FMN2: variants seen among roughly 807,000 people sequenced by gnomAD.
The protein encoded by FMN2 is formin 2.
FMN2 carries 51 observed loss-of-function variants against 142.3 expected under a neutral mutation model. The ratio of observed to expected loss-of-function variants is 0.36; its 90% CI spans 0.29 to 0.45. The LOEUF is 0.45. FMN2 is among the 20% of genes least tolerant of loss of function. FMN2 has a pLI of 1.00. For synonymous variants in FMN2, 882 were observed against 869.8 expected, an observed-to-expected ratio of 1.01 and a Z score of -0.25; for missense variants, 1,936 against 2,122.8, an observed-to-expected ratio of 0.91 and a Z score of 1.73.
At chr1:240,171,927 T>C (rs1664719233) in intron 2 of FMN2, among the ~76,000 whole-genome samples, 1 of 152,170 alleles carries the variant, frequency 6.6e-6, no homozygotes, top group Non-Finnish European at 1.5e-5. Context: ...ACAATGTCAT[T>C]CCGCAAAAGC....
intron 16 of FMN2, among the ~76,000 whole-genome samples, chr1:240,452,467 A>G (rs539847777): frequency 6.6e-6 from 1 of 152,184 alleles, no homozygotes; most frequent in South Asian, 2.1e-4. Context: ...GATAATATAT[A>G]TTTTTGCAAA....
At chr1:240,378,076 T>C (rs942830262) in intron 14 of FMN2, among the ~76,000 whole-genome samples, 3 of 152,062 alleles carry the variant, frequency 2.0e-5, no homozygotes, top group African/African-American at 7.2e-5. Context: ...GTTTATAGGA[T>C]TTTTATTATG....
intron 15 of FMN2, among the ~76,000 whole-genome samples, chr1:240,405,667 C>A (rs946036423): frequency 2.0e-5 from 3 of 151,894 alleles, no homozygotes; most frequent in Admixed American, 2.0e-4. Context: ...TGTTCCAGAT[C>A]CATTAGGATT....
intron 15 of FMN2, among the ~76,000 whole-genome samples, chr1:240,433,218 G>A (rs1675235725): frequency 6.6e-6 from 1 of 152,038 alleles, no homozygotes; most frequent in Non-Finnish European, 1.5e-5. Flanking sequence ...TAACACCCTG[G>A]TTATGTTCTT....
chr1:240,443,901 A>C (rs1008655570), intron 16 of FMN2, among the ~76,000 whole-genome samples: 3 of 152,172 alleles, frequency 2.0e-5, no homozygotes, highest in African/African-American at 7.2e-5. Flanking sequence ...TCTTATTTTC[A>C]GGAAGGCATT....
At chr1:240,399,848 C>T (rs544429948) in intron 15 of FMN2, among the ~76,000 whole-genome samples, 3 of 152,176 alleles carry the variant, frequency 2.0e-5, no homozygotes, top group South Asian at 4.1e-4. Context: ...CCCACCTCAG[C>T]TCCTTCTTAC....
chr1:240,176,158 T>A (rs1037355266), intron 2 of FMN2, among the ~76,000 whole-genome samples: 2 of 152,240 alleles, frequency 1.3e-5, no homozygotes, highest in African/African-American at 2.4e-5. Context: ...TTTTCCTGTA[T>A]GTTTTCGTCT....
At chr1:240,130,462 C>A (rs1226667490) in intron 2 of FMN2, among the ~76,000 whole-genome samples, 2 of 152,102 alleles carry the variant, frequency 1.3e-5, no homozygotes, top group Non-Finnish European at 2.9e-5. Flanking sequence ...GCTACCACGC[C>A]CGGCTAATTT....
chr1:240,350,366 T>C (rs936900363), intron 13 of FMN2, among the ~76,000 whole-genome samples: 13 of 152,220 alleles, frequency 8.5e-5, no homozygotes, highest in Admixed American at 8.5e-4. Context: ...AGCCTTGGCC[T>C]TGATTATGGG....
At chr1:240,430,279 A>C (rs1675117729) in intron 15 of FMN2, among the ~76,000 whole-genome samples, 1 of 152,172 alleles carries the variant, frequency 6.6e-6, no homozygotes, top group Non-Finnish European at 1.5e-5. Context: ...TTATACATAT[A>C]TAAATTTATA....
At chr1:240,392,456 A>G (rs369300937) in intron 14 of FMN2, 55 bp from the exon 15 acceptor site, 3 of 1,438,854 alleles carry the variant, frequency 2.1e-6, no homozygotes, top group South Asian at 1.2e-5. Context: ...GTTGCTTGAA[A>G]TAGTGTAACA....
intron 15 of FMN2, among the ~76,000 whole-genome samples, chr1:240,426,810 A>G (rs1191647709): frequency 1.3e-5 from 2 of 152,120 alleles, no homozygotes; most frequent in Non-Finnish European, 2.9e-5. Flanking sequence ...ATCTTGGCTC[A>G]CTGCATCCTC....
chr1:240,428,213 T>C (rs1675023183), intron 15 of FMN2, among the ~76,000 whole-genome samples: 1 of 151,662 alleles, frequency 6.6e-6, no homozygotes, highest in South Asian at 2.1e-4. Context: ...TTATTGTTAC[T>C]GATCTCCAAA....
At chr1:240,235,719 A>G (rs1667688117) in intron 6 of FMN2, 1 of 152,002 alleles carries the variant, frequency 6.6e-6, no homozygotes, top group South Asian at 2.1e-4. Flanking sequence ...CTGTGTCCAG[A>G]CCCCAGATTA....
At chr1:240,189,173 T>TAA (rs1195331090) in intron 4 of FMN2, among the ~76,000 whole-genome samples, 3 of 83,114 alleles carry the variant, frequency 3.6e-5, no homozygotes, top group African/African-American at 2.2e-4. Context: ...GGATTTCTTA[T>TAA]TAAAAAAAAA....
chr1:240,306,237 C>T (rs536767709), intron 8 of FMN2, among the ~76,000 whole-genome samples: 45 of 152,254 alleles, frequency 3.0e-4, no homozygotes, highest in African/African-American at 7.9e-4. Flanking sequence ...CGTGAGCCAC[C>T]GCACCCGGCT....
intron 9 of FMN2, 31 bp downstream of exon 9, chr1:240,329,198 G>C (rs752903796): frequency 1.7e-5 from 28 of 1,611,738 alleles, no homozygotes; most frequent in Non-Finnish European, 2.4e-5. Flanking sequence ...CGTAGAGGGC[G>C]TCCAGGCTAT....
chr1:240,128,492 A>G (rs1662601670), intron 2 of FMN2, among the ~76,000 whole-genome samples: 1 of 152,150 alleles, frequency 6.6e-6, no homozygotes, highest in African/African-American at 2.4e-5. Context: ...TTATCTTTAA[A>G]TGTCTGCCTA....
chr1:240,133,979 C>T (rs1042104126), intron 2 of FMN2, among the ~76,000 whole-genome samples: 3 of 152,140 alleles, frequency 2.0e-5, no homozygotes, highest in Non-Finnish European at 2.9e-5. Flanking sequence ...CCCATCTTCT[C>T]CACCCACTTA....
Sources: allele counts gnomAD v4.1 joint callset (sites outside exome capture counted in the v4.1 genomes callset), GRCh38; gene constraint gnomAD v4.1.1; transcripts MANE v1.5; gene names NCBI Gene and HGNC (gene_info 2026-07-23, HGNC 2026-07-21).